The following ROBO2 variants were observed in gnomAD, a reference collection of about 807,000 sequenced individuals.
The protein encoded by ROBO2 is roundabout guidance receptor 2.
ROBO2 carries 53 observed loss-of-function variants against 160.8 expected under a neutral mutation model. The ratio of observed to expected loss-of-function variants is 0.33; its 90% confidence interval spans 0.26 to 0.41. The LOEUF is 0.41. ROBO2 is among the 10% of genes least tolerant of loss of function. The pLI, the probability that ROBO2 is intolerant of heterozygous loss-of-function variation, is 1.00. For synonymous variants in ROBO2, 664 were observed against 611.7 expected (o/e 1.09, Z -1.26); for missense variants, 1,577 against 1,722.4 (o/e 0.92, Z 1.49).
At chr3:76,571,811 C>T (rs923895359) in intron 2 of ROBO2, among the ~76,000 whole-genome samples, 2 of 152,032 alleles carry the variant, frequency 1.3e-5, no homozygotes, top group African/African-American at 4.8e-5. Context: ...TTTTTTAAAA[C>T]CATCTTCCGT....
intron 2 of ROBO2, among the ~76,000 whole-genome samples, chr3:76,647,467 T>C (rs1216861598): frequency 6.6e-6 from 1 of 152,164 alleles, no homozygotes; most frequent in East Asian, 1.9e-4. Flanking sequence ...AAGTTGTGCC[T>C]GGGCTGAGAA....
At chr3:76,459,095 A>G (rs2077944152) in intron 2 of ROBO2, among the ~76,000 whole-genome samples, 1 of 151,194 alleles carries the variant, frequency 6.6e-6, no homozygotes, top group South Asian at 2.1e-4. Context: ...ATTTGTTTAC[A>G]TGCATTAAAA....
intron 2 of ROBO2, among the ~76,000 whole-genome samples, chr3:76,455,153 C>G (rs1559975388): frequency 6.6e-6 from 1 of 152,078 alleles, no homozygotes. Context: ...TATTTCATGT[C>G]ATTTTTGTTG....
chr3:75,982,365 G>A (rs1416937196), intron 2 of ROBO2, among the ~76,000 whole-genome samples: 1 of 151,388 alleles, frequency 6.6e-6, no homozygotes, highest in African/African-American at 2.4e-5. Context: ...CTCCATAGTG[G>A]TTGTATAAAT....
At chr3:76,442,516 A>C (rs1413802989) in intron 2 of ROBO2, among the ~76,000 whole-genome samples, 1 of 152,178 alleles carries the variant, frequency 6.6e-6, no homozygotes, top group Non-Finnish European at 1.5e-5. Context: ...ATGCTATAGA[A>C]GTACAAGCAG....
At chr3:77,370,883 C>T (rs2071655625) in intron 2 of ROBO2, among the ~76,000 whole-genome samples, 1 of 152,062 alleles carries the variant, frequency 6.6e-6, no homozygotes, top group Admixed American at 6.6e-5. Flanking sequence ...AATATTTACT[C>T]TCTAGACTTT....
intron 2 of ROBO2, among the ~76,000 whole-genome samples, chr3:77,126,620 C>A (rs933637479): frequency 1.3e-5 from 2 of 151,776 alleles, no homozygotes; most frequent in Non-Finnish European, 2.9e-5. Context: ...TAAAGTCAGG[C>A]TTTCAGCATT....
chr3:76,291,647 CG>C (rs1264691542), intron 2 of ROBO2, among the ~76,000 whole-genome samples: 1 of 151,932 alleles, frequency 6.6e-6, no homozygotes. Context: ...TTCTTATTTT[CG>C]GTGTAAGTGT....
chr3:76,586,151 G>T (rs1377571753), intron 2 of ROBO2, among the ~76,000 whole-genome samples: 1 of 152,282 alleles, frequency 6.6e-6, no homozygotes, highest in South Asian at 2.1e-4. Flanking sequence ...AGCAAAATGA[G>T]GGTGGTGCTT....
intron 2 of ROBO2, among the ~76,000 whole-genome samples, chr3:76,966,212 G>T (rs972163989): frequency 6.6e-6 from 1 of 151,930 alleles, no homozygotes; most frequent in Non-Finnish European, 1.5e-5. Context: ...GTGAGCCACC[G>T]TGCCCAGTCC....
chr3:76,243,411 T>TA (rs996733249), intron 2 of ROBO2, among the ~76,000 whole-genome samples: 3 of 152,142 alleles, frequency 2.0e-5, no homozygotes, highest in Non-Finnish European at 4.4e-5. Flanking sequence ...TTTGTCTTGG[T>TA]AAAGTATAAG....
At chr3:77,300,621 T>C (rs2062572379) in intron 2 of ROBO2, among the ~76,000 whole-genome samples, 1 of 152,074 alleles carries the variant, frequency 6.6e-6, no homozygotes, top group South Asian at 2.1e-4. Context: ...TTGCGAGATA[T>C]AAACCTAGCC....
intron 21 of ROBO2, among the ~76,000 whole-genome samples, chr3:77,613,517 A>G (rs910835479): frequency 4.6e-5 from 7 of 152,174 alleles, no homozygotes; most frequent in African/African-American, 9.7e-5. Context: ...AGCACATTTC[A>G]TATTGAAAAT....
At chr3:76,717,283 G>A (rs540595205) in intron 2 of ROBO2, among the ~76,000 whole-genome samples, 1 of 152,100 alleles carries the variant, frequency 6.6e-6, no homozygotes, top group Non-Finnish European at 1.5e-5. Context: ...CACGAGGTCA[G>A]GAGTTCAAGA....
chr3:76,821,917 C>G (rs925076454), intron 2 of ROBO2, among the ~76,000 whole-genome samples: 1 of 151,972 alleles, frequency 6.6e-6, no homozygotes, highest in Non-Finnish European at 1.5e-5. Flanking sequence ...AGCCCTGTCC[C>G]CTCTCATATG....
intron 5 of ROBO2, among the ~76,000 whole-genome samples, chr3:77,507,248 A>G (rs761951381): frequency 5.3e-5 from 8 of 152,216 alleles, no homozygotes; most frequent in Non-Finnish European, 1.2e-4. Flanking sequence ...GGCAAAAGAA[A>G]AAAGAAGAAA....
At chr3:77,270,788 C>G (rs2059436921) in intron 2 of ROBO2, among the ~76,000 whole-genome samples, 1 of 152,058 alleles carries the variant, frequency 6.6e-6, no homozygotes, top group Admixed American at 6.5e-5. Context: ...ACTAAAAACA[C>G]AAAAAGTAGC....
chr3:77,625,936 A>AT (rs1391782021), intron 23 of ROBO2, among the ~76,000 whole-genome samples: 1 of 152,136 alleles, frequency 6.6e-6, no homozygotes, highest in Non-Finnish European at 1.5e-5. Flanking sequence ...TAATAGTATT[A>AT]TTTTCATTTA....
At chr3:76,713,336 C>T (rs1479008831) in intron 2 of ROBO2, among the ~76,000 whole-genome samples, 1 of 152,064 alleles carries the variant, frequency 6.6e-6, no homozygotes, top group African/African-American at 2.4e-5. Flanking sequence ...TAATTTCTTT[C>T]TAGTTTTAAT....
Sources: gnomAD v4.1 joint callset for allele counts (sites outside exome capture counted in the v4.1 genomes callset) on GRCh38, gnomAD v4.1.1 for gene constraint, MANE v1.5 for transcripts, NCBI Gene and HGNC (gene_info 2026-07-23, HGNC 2026-07-21) for gene names.